Variants in MAGEA1 observed in about 807,000 individuals in gnomAD.
MAGEA1 encodes the protein melanoma-associated antigen 1.
For synonymous variants in MAGEA1, 101 were observed against 96.7 expected, an observed-to-expected ratio of 1.04 and a Z score of -0.26; for missense variants, 182 against 233.7, an observed-to-expected ratio of 0.78 and a Z score of 1.44.
intron 1 of MAGEA1, among the ~76,000 whole-genome samples, chrX:153,180,898 T>TG (rs2051489443): frequency 9.0e-6 from 1 of 111,352 alleles, no homozygotes; most frequent in Non-Finnish European, 1.9e-5. Flanking sequence ...GCCCAAGATG[T>TG]GCCCCCTTCA....
In MAGEA1 at chrX:153,182,171, C is replaced by G. The variant is rs1312091041; in HGVS notation, c.-138-6C>G. ...ACCCTGAGTACCCTCTCACTTCCTCCTTCAGGTTTTCAGGGGACAGGCCAA... is the reference window on the plus strand; with the variant it reads ...ACCCTGAGTACCCTCTCACTTCCTCGTTCAGGTTTTCAGGGGACAGGCCAA... On this transcript the variant is annotated splice_region_variant and splice_polypyrimidine_tract_variant and intron_variant, in intron 1 of 2. Transcript: ENST00000356661. 1.2e-6 allele frequency: 1 copy of G among 819,501 alleles called. No homozygotes were observed. Among genetic ancestry groups the G allele is most frequent in the African/African-American group, 2.0e-5 (1 of 49,483 alleles). 67.5% of individuals were successfully genotyped at this position (819,501 alleles called of 1,213,427 possible).
At chrX:153,180,427 G>T (rs1412818373) in intron 1 of MAGEA1, among the ~76,000 whole-genome samples, 1 of 111,259 alleles carries the variant, frequency 9.0e-6, no homozygotes, top group African/African-American at 3.3e-5. Context: ...CAGAATCCCT[G>T]CTGTCAACCC....
rs150360188 is a variant in MAGEA1, at chrX:153,179,569, G to A, written c.-139+204G>A. Among the ~76,000 whole-genome samples, 812 of 109,656 alleles carry A rather than the reference G, an allele frequency of 7.4e-3. 6 individuals are homozygous for A. Among genetic ancestry groups the A allele is most frequent in the Non-Finnish European group, 0.013 (675 of 52,478 alleles). On this transcript the variant is annotated intron_variant, in intron 1 of 2. Transcript: ENST00000356661. ...GGAATCAGAGGTTGCTGTGACCAGG[G>A]CAGGACTGGTTAGGAGAGGGCAGGG... is the stretch of plus-strand genomic sequence containing the variant.
In MAGEA1 at chrX:153,183,428, T is replaced by A; in HGVS notation, c.*109T>A. 1 of 752,281 alleles carries A rather than the reference T, an allele frequency of 1.3e-6. No homozygotes were observed. 62.0% of individuals were successfully genotyped at this position (752,281 alleles called of 1,213,427 possible). On this transcript the variant is annotated 3_prime_UTR_variant, in exon 3 of 3. Coordinates refer to ENST00000356661, the MANE Select transcript of MAGEA1 (RefSeq NM_004988.5). ...GTGTGACATGAGGCCCATTCTTCAC[T>A]CTGAAGAGAGCGGTCAGTGTTCTCA...
In MAGEA1 at chrX:153,182,487, C is replaced by T; in HGVS notation, c.98C>T (p.Ser33Phe). ...CTGGTGTGTGTGCAGGCTGCCACCT[C>T]CTCCTCCTCTCCTCTGGTCCTGGGC... ...LGLVCVQAAT[S>F]SSSPLVLGTL... Residue 33 changes from serine (S) to phenylalanine (F), a missense_variant, in exon 3 of 3, where the codon TCC becomes TTC. Physicochemically the swap from Ser to Phe is radical, Grantham distance 155. Coordinates refer to ENST00000356661, the MANE Select transcript of MAGEA1 (RefSeq NM_004988.5). The T allele has an allele frequency of 1.7e-6, 2 of 1,211,527 alleles. No homozygotes were observed. The highest frequency in any genetic ancestry group is 2.2e-6 in the Non-Finnish European group (2 of 895,217).
chrX:153,179,679 C>T (rs1417769548), intron 1 of MAGEA1, among the ~76,000 whole-genome samples: 1 of 107,220 alleles, frequency 9.3e-6, no homozygotes, highest in Non-Finnish European at 1.9e-5. Flanking sequence ...CCACTCCCAC[C>T]CCATTCGCAT....
At position 153,182,493 on chromosome X, in the gene MAGEA1, C is replaced by T; in HGVS notation, c.104C>T (p.Ser35Phe). 1 of 1,211,580 alleles carries T rather than the reference C, an allele frequency of 8.3e-7. No homozygotes were observed. The highest frequency in any genetic ancestry group is 1.1e-6 in the Non-Finnish European group (1 of 895,196). The change falls in exon 3 of 3, where the codon TCC becomes TTC. Residue 35 changes from serine to phenylalanine, a missense_variant. Transcript: ENST00000356661. ...LVCVQAATSS[S>F]SPLVLGTLEE... ...TGTGTGCAGGCTGCCACCTCCTCCT[C>T]CTCTCCTCTGGTCCTGGGCACCCTG...
At position 153,183,551 on chromosome X, in the gene MAGEA1, T is replaced by G. The variant is rs976368405; in HGVS notation, c.*232T>G. On this transcript the variant is annotated 3_prime_UTR_variant, in exon 3 of 3. Coordinates refer to ENST00000356661, the MANE Select transcript of MAGEA1 (RefSeq NM_004988.5). ...TTTTTTAAGGGATGGTTGAATGAAC[T>G]TCAGCATCCAAGTTTATGAATGACA... The G allele has an allele frequency of 2.1e-5, 9 of 424,899 alleles. No individual in the cohort carries two copies. The highest frequency in any genetic ancestry group is 6.5e-4 in the Middle Eastern group (1 of 1,550). 35.0% of individuals were successfully genotyped at this position (424,899 alleles called of 1,213,427 possible).
intron 1 of MAGEA1, among the ~76,000 whole-genome samples, chrX:153,180,496 G>A (rs1347066535): frequency 4.5e-5 from 5 of 111,785 alleles, no homozygotes; most frequent in Non-Finnish European, 7.5e-5. Context: ...ATCCAGGGCT[G>A]ATGGAGGGAA....
Position 153,183,068 on chromosome X carries a change from A to G in MAGEA1, c.679A>G (p.Arg227Gly). ...GAGTGTGATGGAGGTGTATGATGGGAGGGAGCACAGTGCCTATGGGGAGCC... is the reference window on the plus strand; with the variant it reads ...GAGTGTGATGGAGGTGTATGATGGGGGGGAGCACAGTGCCTATGGGGAGCC... The part of the protein sequence containing the change: ...ELSVMEVYDG[R>G]EHSAYGEPRK... Residue 227 changes from arginine to glycine, a missense_variant, in exon 3 of 3, where the codon AGG becomes GGG. Arg to Gly is a moderately radical substitution (Grantham distance 125, BLOSUM62 -2). Transcript: ENST00000356661. 11 of 1,211,806 alleles carry G rather than the reference A, an allele frequency of 9.1e-6. No individual in the cohort carries two copies. The highest frequency in any genetic ancestry group is 1.2e-5 in the Non-Finnish European group (11 of 895,496).
In MAGEA1 at chrX:153,179,351, C is replaced by T. The variant is rs1442853910; in HGVS notation, c.-153C>T. On this transcript the variant is annotated 5_prime_UTR_variant, in exon 1 of 3. Transcript: ENST00000356661. The stretch of plus-strand genomic sequence containing the variant: ...CGGCCGAAGGAACCTGACCCAGGCT[C>T]TGTGAGGAGGCAAGGTGAGAGGCTG... 1.9e-5 allele frequency: 2 copies of T among 105,232 alleles called. No individual in the cohort carries two copies. Among genetic ancestry groups the T allele is most frequent in the African/African-American group, 7.0e-5 (2 of 28,571 alleles). The allele number at this position is 105,232 out of a possible 1,213,427, so 8.7% of individuals were successfully genotyped here. A position where few individuals can be genotyped will look rare whatever the true frequency, so the allele number is the denominator to read the frequency against.
At chrX:153,181,598 G>A (rs782787777) in intron 1 of MAGEA1, among the ~76,000 whole-genome samples, 8 of 110,984 alleles carry the variant, frequency 7.2e-5, no homozygotes, top group African/African-American at 9.8e-5. Flanking sequence ...AGGACCAAGC[G>A]GGCACCTCAC....
rs1556944071 is a variant in MAGEA1, at chrX:153,182,447, C to A, written c.58C>A (p.Gln20Lys). ...GCCTGAGGAAGCCCTTGAGGCCCAACAAGAGGCCCTGGGCCTGGTGTGTGT... is the reference window on the plus strand; with the variant it reads ...GCCTGAGGAAGCCCTTGAGGCCCAAAAAGAGGCCCTGGGCCTGGTGTGTGT... Reference protein sequence around the residue: ...CKPEEALEAQQEALGLVCVQA... With the variant: ...CKPEEALEAQKEALGLVCVQA... Residue 20 changes from glutamine to lysine, a missense_variant, in exon 3 of 3, where the codon CAA becomes AAA. Transcript: ENST00000356661. 17 of 1,211,231 alleles carry A rather than the reference C, an allele frequency of 1.4e-5. No homozygotes were observed. Among genetic ancestry groups the A allele is most frequent in the Non-Finnish European group, 1.8e-5 (16 of 895,174 alleles).
At chrX:153,180,568 TCAGAGGACC>T (rs1298513739) in intron 1 of MAGEA1, among the ~76,000 whole-genome samples, 1 of 110,879 alleles carries the variant, frequency 9.0e-6, no homozygotes, top group African/African-American at 3.3e-5. Context: ...GAGGGAGGCC[TCAGAGGACC>T]CAGCACCCTA....
chrX:153,182,321 C>A lies in MAGEA1; in HGVS notation c.-65-4C>A. 1 of 1,058,670 alleles carries A rather than the reference C, an allele frequency of 9.4e-7. No individual in the cohort carries two copies. Among genetic ancestry groups the A allele is most frequent in the Non-Finnish European group, 1.3e-6 (1 of 756,448 alleles). The allele number at this position is 1,058,670 out of a possible 1,213,427, so 87.2% of individuals were successfully genotyped here. A position where few individuals can be genotyped will look rare whatever the true frequency, so the allele number is the denominator to read the frequency against. On this transcript the variant is annotated splice_region_variant and splice_polypyrimidine_tract_variant and intron_variant, in intron 2 of 2. Coordinates refer to ENST00000356661, the MANE Select transcript of MAGEA1 (RefSeq NM_004988.5). ...GGCCTCTCACACACTCCCTCTCTCC[C>A]CAGGCCTGTGGGTCTTCATTGCCCA...
At position 153,182,548 on chromosome X, in the gene MAGEA1, T is replaced by C. The variant is rs1556944097; in HGVS notation, c.159T>C (p.Asp53=). 8.3e-7 allele frequency: 1 copy of C among 1,209,424 alleles called. No individual in the cohort carries two copies. Among genetic ancestry groups the C allele is most frequent in the African/African-American group, 1.8e-5 (1 of 56,926 alleles). The change falls in exon 3 of 3, where the codon GAT becomes GAC. Residue 53 remains aspartate, a synonymous_variant. Coordinates refer to ENST00000356661, the MANE Select transcript of MAGEA1 (RefSeq NM_004988.5). ...LEEVPTAGST[D]PPQSPQGASA... ...AGGTGCCCACTGCTGGGTCAACAGA[T>C]CCTCCCCAGAGTCCTCAGGGAGCCT...
At chrX:153,179,506 A>C (rs2051482051) in intron 1 of MAGEA1, 141 bp downstream of exon 1, 1 of 107,663 alleles carries the variant, frequency 9.3e-6, no homozygotes, top group Non-Finnish European at 1.9e-5. Flanking sequence ...CCTGCTCCAA[A>C]AGCCTTGAGA....
chrX:153,180,893 A>C (rs944138768), intron 1 of MAGEA1, among the ~76,000 whole-genome samples: 65 of 111,665 alleles, frequency 5.8e-4, no homozygotes, highest in Middle Eastern at 4.6e-3. Flanking sequence ...ATATGGCCCA[A>C]GATGTGCCCC....
chrX:153,181,249 A>G (rs782803832), intron 1 of MAGEA1, among the ~76,000 whole-genome samples: 1 of 110,394 alleles, frequency 9.1e-6, no homozygotes, highest in Non-Finnish European at 1.9e-5. Flanking sequence ...CTGTTTCCAG[A>G]TCTGGGGCAG....
Sources: allele counts gnomAD v4.1 joint callset (sites outside exome capture counted in the v4.1 genomes callset), GRCh38; gene constraint gnomAD v4.1.1; transcripts MANE v1.5; gene names NCBI Gene and HGNC (gene_info 2026-07-23, HGNC 2026-07-21).